The following TLR7 variants were observed in gnomAD, a reference collection of about 807,000 sequenced individuals.
TLR7 encodes toll-like receptor 7.
Under a neutral mutation model 38.3 loss-of-function variants are expected in TLR7, and 12 were observed. The observed-to-expected ratio is 0.31, with a 90% confidence interval of 0.20 to 0.51. The LOEUF (loss-of-function observed/expected upper bound fraction) is 0.51, where lower values mean the gene tolerates loss of function less well. Ranked by LOEUF, TLR7 falls within the 20% of genes least tolerant of loss-of-function variation. The probability of loss-of-function intolerance (pLI) is 0.98; values close to 1 mark genes in which losing one functional copy is unlikely to be tolerated. For synonymous variants in TLR7, 285 were observed against 293.8 expected, an observed-to-expected ratio of 0.97 and a Z score of 0.31; for missense variants, 504 against 743.4, an observed-to-expected ratio of 0.68 and a Z score of 3.74.
intron 2 of TLR7, among the ~76,000 whole-genome samples, chrX:12,869,294 A>G (rs2042844085): frequency 8.9e-6 from 1 of 112,101 alleles, no homozygotes; most frequent in African/African-American, 3.2e-5. Context: ...ATTGAGTCAT[A>G]TGGCAGATCC....
At chrX:12,872,063 C>T (rs1411273315) in intron 2 of TLR7, among the ~76,000 whole-genome samples, 1 of 111,078 alleles carries the variant, frequency 9.0e-6, no homozygotes, top group East Asian at 2.8e-4. Flanking sequence ...CAATCACACT[C>T]TACTTCTCCA....
chrX:12,875,747 G>A (rs1034054080), intron 2 of TLR7, among the ~76,000 whole-genome samples: 4 of 111,868 alleles, frequency 3.6e-5, no homozygotes, highest in Non-Finnish European at 5.6e-5. Flanking sequence ...CTTCCACCAT[G>A]ATTGTGAGGC....
chrX:12,881,142 G>A (rs1182584729), intron 2 of TLR7, among the ~76,000 whole-genome samples: 1 of 109,512 alleles, frequency 9.1e-6, no homozygotes, highest in African/African-American at 3.3e-5. Context: ...CAGGAGAATC[G>A]CTTGAACCCG....
chrX:12,874,230 G>A (rs1199093647), intron 2 of TLR7, among the ~76,000 whole-genome samples: 2 of 110,894 alleles, frequency 1.8e-5, no homozygotes, highest in Non-Finnish European at 3.8e-5. Context: ...TGAGGCAGGA[G>A]AATCACTTGA....
At chrX:12,878,002 T>G (rs5743752) in intron 2 of TLR7, among the ~76,000 whole-genome samples, 3 of 111,893 alleles carry the variant, frequency 2.7e-5, no homozygotes, top group African/African-American at 9.7e-5. Flanking sequence ...GGAGTATATG[T>G]AAAGACAAAA....
chrX:12,880,775 C>A (rs1393648014), intron 2 of TLR7, among the ~76,000 whole-genome samples: 1 of 111,745 alleles, frequency 8.9e-6, no homozygotes, highest in African/African-American at 3.3e-5. Context: ...AGCTTACATT[C>A]TTGTACAGAA....
At chrX:12,884,622 A>T (rs775443724) in intron 2 of TLR7, among the ~76,000 whole-genome samples, 1 of 111,998 alleles carries the variant, frequency 8.9e-6, no homozygotes, top group Non-Finnish European at 1.9e-5. Flanking sequence ...AATCATCTTT[A>T]TGGGTAGTTT....
At chrX:12,883,785 T>C (rs951158868) in intron 2 of TLR7, among the ~76,000 whole-genome samples, 1 of 110,580 alleles carries the variant, frequency 9.0e-6, no homozygotes, top group Admixed American at 9.6e-5. Flanking sequence ...TTAAGAACAA[T>C]GAAGGAGGTC....
chrX:12,885,829 A>G lies in TLR7; in HGVS notation c.321A>G (p.Ser107=). 1 of 1,212,071 alleles carries G rather than the reference A, an allele frequency of 8.3e-7. No individual in the cohort carries two copies. Among genetic ancestry groups the G allele is most frequent in the Non-Finnish European group, 1.1e-6 (1 of 895,568 alleles). The change falls in exon 3 of 3, where the codon TCA becomes TCG. Residue 107 remains serine, a synonymous_variant. Coordinates refer to ENST00000380659, the MANE Select transcript of TLR7 (RefSeq NM_016562.4). ...ACTGTGTACCTATTCCACTGGGGTCAAAAAACAACATGTGCATCAAGAGGC... is the reference window on the plus strand; with the variant it reads ...ACTGTGTACCTATTCCACTGGGGTCGAAAAACAACATGTGCATCAAGAGGC... ...RCNCVPIPLG[S]KNNMCIKRLQ...
chrX:12,879,754 G>A (rs1213554104), intron 2 of TLR7, among the ~76,000 whole-genome samples: 1 of 111,829 alleles, frequency 8.9e-6, no homozygotes, highest in Non-Finnish European at 1.9e-5. Context: ...TAGTCATATA[G>A]CCACACTTAG....
chrX:12,874,784 G>A, intron 2 of TLR7, among the ~76,000 whole-genome samples: 1 of 111,828 alleles, frequency 8.9e-6, no homozygotes. Context: ...CTTCTAACTT[G>A]TCACAAGACA....
intron 2 of TLR7, 32 bp from the exon 3 acceptor site, chrX:12,885,480 G>T: frequency 8.8e-7 from 1 of 1,132,318 alleles, no homozygotes; most frequent in South Asian, 2.1e-5. Flanking sequence ...GTATGTTTTA[G>T]AACAATGATT....
rs201092041 is a variant in TLR7 at position 12,886,389 on chromosome X, T to C, written c.881T>C (p.Val294Ala). 6 of 1,211,738 alleles carry C rather than the reference T, an allele frequency of 5.0e-6. No individual in the cohort carries two copies. The highest frequency in any genetic ancestry group is 6.7e-6 in the Non-Finnish European group (6 of 895,440). ...NAFDALTELK[V>A]LRLHSNSLQH... is the part of the protein sequence containing the mutation. ...TTTGATGCGCTGACAGAATTAAAAG[T>C]TTTACGTCTACACAGTAACTCTCTT... Residue 294 changes from valine (V) to alanine (A), a missense_variant, in exon 3 of 3, where the codon GTT becomes GCT. Coordinates refer to ENST00000380659, the MANE Select transcript of TLR7 (RefSeq NM_016562.4).
intron 2 of TLR7, among the ~76,000 whole-genome samples, chrX:12,869,830 CAAAAAA>C (rs34022797): frequency 1.9e-5 from 1 of 51,462 alleles, no homozygotes; most frequent in Non-Finnish European, 3.6e-5. Context: ...TGCAGCCAGG[CAAAAAA>C]AAAAAAAAAA....
At chrX:12,875,831 T>C in intron 2 of TLR7, among the ~76,000 whole-genome samples, 1 of 112,492 alleles carries the variant, frequency 8.9e-6, no homozygotes, top group East Asian at 2.8e-4. Context: ...CGGATATGTT[T>C]TTATTAGCAG....
At chrX:12,873,418 T>C (rs771179077) in intron 2 of TLR7, among the ~76,000 whole-genome samples, 10 of 112,654 alleles carry the variant, frequency 8.9e-5, no homozygotes, top group Non-Finnish European at 1.7e-4. Flanking sequence ...AAATCTTTTC[T>C]ATTTTGTCCA....
Position 12,886,425 on chromosome X carries a change from C to T in TLR7, c.917C>T (p.Pro306Leu). The change falls in exon 3 of 3, where the codon CCC (proline) becomes CTC (leucine). Residue 306 changes from proline (P) to leucine (L), a missense_variant. Coordinates refer to ENST00000380659, the MANE Select transcript of TLR7 (RefSeq NM_016562.4). Reference protein sequence around the residue: ...RLHSNSLQHVPPRWFKNINKL... With the variant: ...RLHSNSLQHVLPRWFKNINKL... ...CACAGTAACTCTCTTCAGCATGTGC[C>T]CCCAAGATGGTTTAAGAACATCAAC... The T allele has an allele frequency of 8.3e-7, 1 of 1,211,627 alleles. No homozygotes were observed. The highest frequency in any genetic ancestry group is 1.1e-6 in the Non-Finnish European group (1 of 895,282).
intron 1 of TLR7, among the ~76,000 whole-genome samples, 155 bp downstream of exon 1, chrX:12,867,278 A>C (rs1008378964): frequency 1.8e-5 from 2 of 112,612 alleles, no homozygotes; most frequent in Non-Finnish European, 3.7e-5. Flanking sequence ...TAAAATGTCA[A>C]TTCTTCAAAG....
intron 2 of TLR7, among the ~76,000 whole-genome samples, chrX:12,881,228 A>AACTAATAAT (rs2042890081): frequency 2.0e-5 from 2 of 98,777 alleles, no homozygotes; most frequent in Admixed American, 1.1e-4. Context: ...ACTCAGTCTC[A>AACTAATAAT]AATAATAATA....
Sources: gnomAD v4.1 joint callset for allele counts (sites outside exome capture counted in the v4.1 genomes callset) on GRCh38, gnomAD v4.1.1 for gene constraint, MANE v1.5 for transcripts, NCBI Gene and HGNC (gene_info 2026-07-23, HGNC 2026-07-21) for gene names.